ZNRF1: variants seen among roughly 807,000 people sequenced by gnomAD.
ZNRF1 encodes the protein E3 ubiquitin-protein ligase ZNRF1.
In ZNRF1, 3 loss-of-function variants were observed where a neutral mutation model predicts 18.4. That is an observed-to-expected ratio of 0.16 (90% CI 0.07 to 0.42). The LOEUF (loss-of-function observed/expected upper bound fraction) is 0.42, where lower values mean the gene tolerates loss of function less well. Ranked by LOEUF, ZNRF1 falls within the 10% of genes least tolerant of loss-of-function variation. The pLI, the probability that ZNRF1 is intolerant of heterozygous loss-of-function variation, is 0.99. For missense variants in ZNRF1, 310 were observed against 329.8 expected, an observed-to-expected ratio of 0.94 and a Z score of 0.47; for synonymous variants, 157 against 144.2, an observed-to-expected ratio of 1.09 and a Z score of -0.64.
At chr16:75,052,530 C>T (rs1265027378) in intron 1 of ZNRF1, among the ~76,000 whole-genome samples, 2 of 152,126 alleles carry the variant, frequency 1.3e-5, no homozygotes, top group Non-Finnish European at 1.5e-5. Context: ...TTGACCACTA[C>T]CCTTTTAAAT....
chr16:75,066,965 A>G (rs989722178), intron 1 of ZNRF1, among the ~76,000 whole-genome samples: 5 of 152,166 alleles, frequency 3.3e-5, no homozygotes, highest in Non-Finnish European at 7.4e-5. Flanking sequence ...ATTTGAGAGC[A>G]GCTCTGCCAA....
intron 4 of ZNRF1, chr16:75,106,808 G>C (rs2036321416): frequency 2.1e-6 from 1 of 467,882 alleles, no homozygotes; most frequent in Non-Finnish European, 3.9e-6. Flanking sequence ...GTTAGGATCA[G>C]TTGGGGAAGA....
chr16:75,107,698 G>A (rs751205946), intron 4 of ZNRF1, 35 bp from the exon 5 acceptor site: 5 of 456,178 alleles, frequency 1.1e-5, no homozygotes, highest in East Asian at 6.9e-5. Context: ...CCCTCGGCCC[G>A]ATGGAGCACG....
chr16:75,040,827 C>G (rs1198185302), intron 1 of ZNRF1, among the ~76,000 whole-genome samples: 1 of 151,712 alleles, frequency 6.6e-6, no homozygotes. Context: ...AGGCTGGTCT[C>G]GAACTCCTGA....
In ZNRF1 at chr16:75,023,487, C is replaced by G. The variant is rs538161059; in HGVS notation, c.424+23392C>G. ...TCACCTGACGTCAGGAGTTGGAGAC[C>G]AGCCTGGCCAACATGGCCAAACCCC... On this transcript the variant is annotated intron_variant, in intron 1 of 4. Transcript: ENST00000335325. 5.9e-5 allele frequency among the ~76,000 whole-genome samples: 9 copies of G among 152,290 alleles called. No individual in the cohort carries two copies. The South Asian group carries it at 1.4e-3, about 25-fold the overall frequency.
In ZNRF1 at chr16:75,080,112, C is replaced by T. The variant is rs148417130; in HGVS notation, c.425-13460C>T. Among the ~76,000 whole-genome samples the T allele has an allele frequency of 5.5e-4, 83 of 152,214 alleles. 3 individuals are homozygous for T. The East Asian group carries it at 0.016, about 29-fold the overall frequency. On this transcript the variant is annotated intron_variant, in intron 1 of 4. Transcript: ENST00000335325. Reference sequence around the variant, plus strand: ...TGTATACTTAGTAGAGATGGGGTTTCACTATGTTGGCAAAGCTGGTCTCGA... The same window carrying T: ...TGTATACTTAGTAGAGATGGGGTTTTACTATGTTGGCAAAGCTGGTCTCGA...
chr16:75,046,193 C>T (rs2035513168), intron 1 of ZNRF1, among the ~76,000 whole-genome samples: 1 of 151,736 alleles, frequency 6.6e-6, no homozygotes, highest in South Asian at 2.1e-4. Context: ...ATGTGTGAGC[C>T]ACCGCGCCCA....
chr16:75,079,608 G>C (rs1187251798), intron 1 of ZNRF1, among the ~76,000 whole-genome samples: 2 of 152,116 alleles, frequency 1.3e-5, no homozygotes, highest in African/African-American at 4.8e-5. Context: ...GAAGTATGAA[G>C]GCCTTCTCTC....
intron 1 of ZNRF1, among the ~76,000 whole-genome samples, chr16:75,038,848 T>G (rs2035406609): frequency 2.0e-5 from 3 of 152,214 alleles, no homozygotes; most frequent in Admixed American, 1.3e-4. Flanking sequence ...TGAAAATAAT[T>G]TAAGTGCTGT....
rs2036371455 is a variant in ZNRF1, at chr16:75,110,636, A to G, written c.*2936A>G. 1 of 152,278 alleles carries G rather than the reference A, an allele frequency of 6.6e-6. No homozygotes were observed. Among genetic ancestry groups the G allele is most frequent in the African/African-American group, 2.4e-5 (1 of 41,476 alleles). The allele number at this position is 152,278 out of a possible 1,614,324, so 9.4% of individuals were successfully genotyped here. ...TTGAATCTGCAGTGGCTGGTATTTC[A>G]GTGAACAGTGTACTTGTTCTTTCAA... is the stretch of plus-strand genomic sequence containing the variant. On this transcript the variant is annotated 3_prime_UTR_variant, in exon 5 of 5. Transcript: ENST00000335325.
intron 1 of ZNRF1, among the ~76,000 whole-genome samples, chr16:75,081,945 A>G (rs1220215678): frequency 1.3e-5 from 2 of 152,234 alleles, no homozygotes; most frequent in Non-Finnish European, 2.9e-5. Context: ...CAAGCATGGT[A>G]GCCAGGTGAC....
intron 1 of ZNRF1, among the ~76,000 whole-genome samples, chr16:75,082,012 C>T (rs1033569243): frequency 2.0e-5 from 3 of 152,192 alleles, no homozygotes; most frequent in Non-Finnish European, 4.4e-5. Context: ...ACTTGATTCA[C>T]ACTTCACACT....
chr16:75,035,313 C>A (rs933489128), intron 1 of ZNRF1, among the ~76,000 whole-genome samples: 3 of 152,196 alleles, frequency 2.0e-5, no homozygotes, highest in African/African-American at 7.2e-5. Context: ...GAATTACAGG[C>A]GTGAGCCGCT....
chr16:75,033,204 G>A (rs2035328959), intron 1 of ZNRF1, among the ~76,000 whole-genome samples: 1 of 149,444 alleles, frequency 6.7e-6, no homozygotes, highest in South Asian at 2.1e-4. Context: ...TCTTATTTAG[G>A]GTATTCTCAG....
intron 2 of ZNRF1, among the ~76,000 whole-genome samples, chr16:75,098,886 A>G (rs1304889213): frequency 6.6e-6 from 1 of 152,002 alleles, no homozygotes; most frequent in Non-Finnish European, 1.5e-5. Flanking sequence ...CCATACTTCT[A>G]GCAGTTCCAG....
chr16:75,010,701 G>GTTTTTTTT lies in ZNRF1; in HGVS notation c.424+10608_424+10615dup, dbSNP rs1334552920. Among the ~76,000 whole-genome samples, 562 of 63,724 alleles carry GTTTTTTTT rather than the reference G, an allele frequency of 8.8e-3. 24 individuals are homozygous for GTTTTTTTT. The highest frequency in any genetic ancestry group is 0.017 in the African/African-American group (385 of 22,284). 41.8% of individuals were successfully genotyped at this position (63,724 alleles called of 152,430 possible). The stretch of plus-strand genomic sequence containing the variant: ...AAATTAGTCACCTCTGTACTGTACT[G>GTTTTTTTT]TTTTTTTTTGTTTTTTTGTTTTTTT... On this transcript the variant is annotated intron_variant, in intron 1 of 4. Transcript: ENST00000335325.
intron 1 of ZNRF1, among the ~76,000 whole-genome samples, chr16:75,005,196 A>G (rs1186885995): frequency 6.6e-6 from 1 of 152,206 alleles, no homozygotes; most frequent in Admixed American, 6.5e-5. Context: ...ATTGTTAATG[A>G]AAACTTGTAT....
chr16:75,077,889 G>A (rs1269197452), intron 1 of ZNRF1, among the ~76,000 whole-genome samples: 1 of 152,138 alleles, frequency 6.6e-6, no homozygotes, highest in Non-Finnish European at 1.5e-5. Flanking sequence ...CTTCTTCTCT[G>A]CCTCTCTCTT....
intron 1 of ZNRF1, among the ~76,000 whole-genome samples, chr16:75,090,378 CTGG>C (rs2036122422): frequency 6.9e-6 from 1 of 144,128 alleles, no homozygotes; most frequent in African/African-American, 2.5e-5. Flanking sequence ...TGTTGTTGTT[CTGG>C]TTGTTGTGTC....
Sources: gnomAD v4.1 joint callset for allele counts (sites outside exome capture counted in the v4.1 genomes callset) on GRCh38, gnomAD v4.1.1 for gene constraint, MANE v1.5 for transcripts, NCBI Gene and HGNC (gene_info 2026-07-23, HGNC 2026-07-21) for gene names.